The following ADAMTSL1 variants were observed in gnomAD, a reference collection of about 807,000 sequenced individuals.
ADAMTSL1 encodes ADAMTS-like protein 1.
A neutral mutation model predicts 201.8 loss-of-function variants in ADAMTSL1; 126 were observed. That is an observed-to-expected ratio of 0.62 (90% CI 0.54 to 0.72). The LOEUF is 0.72. ADAMTSL1 is among the 30% of genes least tolerant of loss of function. ADAMTSL1 has a pLI of 0.00. For synonymous variants in ADAMTSL1, 1,121 were observed against 903.4 expected (o/e 1.24, Z -4.32); for missense variants, 2,679 against 2,277.8 (o/e 1.18, Z -3.59).
intron 12 of ADAMTSL1, among the ~76,000 whole-genome samples, chr9:18,684,275 C>T (rs1830690611): frequency 6.6e-6 from 1 of 150,744 alleles, no homozygotes; most frequent in Admixed American, 6.6e-5. Context: ...GGCAATGTGA[C>T]ATAGATCACA....
chr9:18,207,654 C>T (rs909136819), intron 2 of ADAMTSL1, among the ~76,000 whole-genome samples: 7 of 152,242 alleles, frequency 4.6e-5, no homozygotes, highest in South Asian at 4.1e-4. Flanking sequence ...TCATTTTAGG[C>T]GCCCTTGTAA....
At chr9:18,904,893 GGTTCTT>G (rs1830217355) in intron 26 of ADAMTSL1, among the ~76,000 whole-genome samples, 1 of 151,862 alleles carries the variant, frequency 6.6e-6, no homozygotes, top group East Asian at 1.9e-4. Context: ...CTCTTTCAGT[GGTTCTT>G]AACCTTTGAG....
At chr9:18,810,262 G>T (rs923729033) in intron 20 of ADAMTSL1, among the ~76,000 whole-genome samples, 24 of 152,298 alleles carry the variant, frequency 1.6e-4, no homozygotes, top group Admixed American at 1.2e-3. Flanking sequence ...AGTCAAAATA[G>T]AGCCTATGCA....
At position 18,816,720 on chromosome 9, in the gene ADAMTSL1, C is replaced by CTTTTTTT. The variant is rs751791974; in HGVS notation, c.3806-367_3806-361dup. 2.4e-3 allele frequency among the ~76,000 whole-genome samples: 95 copies of CTTTTTTT among 39,756 alleles called. 2 individuals carry two copies. The highest frequency in any genetic ancestry group is 3.5e-3 in the Admixed American group (10 of 2,892). 26.1% of individuals were successfully genotyped at this position (39,756 alleles called of 152,430 possible). ...GTCTTCAAACTCTTCAACCCTTGGT[C>CTTTTTTT]TTTTTTTTTTTTTTTTTTTTTTTTT... On this transcript the variant is annotated intron_variant, in intron 20 of 28. Coordinates refer to ENST00000380548, the MANE Select transcript of ADAMTSL1 (RefSeq NM_001040272.6).
chr9:18,286,031 C>G (rs1673472503), intron 2 of ADAMTSL1, among the ~76,000 whole-genome samples: 1 of 150,948 alleles, frequency 6.6e-6, no homozygotes, highest in South Asian at 2.1e-4. Context: ...CAACTGGTTA[C>G]TTTCTCTCTC....
chr9:18,689,754 C>A (rs947062380), intron 13 of ADAMTSL1, among the ~76,000 whole-genome samples: 3 of 152,160 alleles, frequency 2.0e-5, no homozygotes, highest in Non-Finnish European at 4.4e-5. Flanking sequence ...GCAATTTTAT[C>A]CAGATATTCC....
chr9:18,270,846 A>G (rs1192688078), intron 2 of ADAMTSL1, among the ~76,000 whole-genome samples: 1 of 152,168 alleles, frequency 6.6e-6, no homozygotes. Flanking sequence ...TGGAAGTGAT[A>G]TATGTCATTC....
At chr9:18,011,668 T>TG (rs1181577713) in intron 1 of ADAMTSL1, among the ~76,000 whole-genome samples, 29 of 152,160 alleles carry the variant, frequency 1.9e-4, no homozygotes, top group African/African-American at 6.7e-4. Context: ...ATCTAAAACT[T>TG]AATATTTTAG....
At chr9:18,258,507 C>A (rs1373846055) in intron 2 of ADAMTSL1, among the ~76,000 whole-genome samples, 1 of 152,162 alleles carries the variant, frequency 6.6e-6, no homozygotes, top group African/African-American at 2.4e-5. Flanking sequence ...CTCTCTTCTT[C>A]CCTTAATCTG....
At chr9:18,153,950 G>A (rs1367182782) in intron 1 of ADAMTSL1, among the ~76,000 whole-genome samples, 1 of 151,988 alleles carries the variant, frequency 6.6e-6, no homozygotes, top group African/African-American at 2.4e-5. Context: ...CAAAAGTAGT[G>A]AGGCATACAG....
chr9:18,473,004 A>G (rs1821277535), upstream of ADAMTSL1, among the ~76,000 whole-genome samples: 1 of 152,220 alleles, frequency 6.6e-6, no homozygotes, highest in Admixed American at 6.5e-5. Flanking sequence ...CAGCTTCAGA[A>G]GCTTCCTGAC....
chr9:18,874,276 C>T (rs541988979), intron 23 of ADAMTSL1, among the ~76,000 whole-genome samples: 98 of 152,150 alleles, frequency 6.4e-4, no homozygotes, highest in African/African-American at 1.9e-3. Context: ...GATTTGGATG[C>T]GCTTTCTTTC....
Position 18,714,602 on chromosome 9 carries a change from A to T in ADAMTSL1, c.1877-6934A>T, listed in dbSNP as rs552248721. On this transcript the variant is annotated intron_variant, in intron 14 of 28. Transcript: ENST00000380548. ...AACAGGATCTGAAATTGTGGCAATA[A>T]TCAATAGCTTACCAACCAAAAAGAG... Among the ~76,000 whole-genome samples the T allele has an allele frequency of 2.3e-3, 325 of 143,834 alleles. 4 individuals carry two copies. The highest frequency in any genetic ancestry group is 4.1e-3 in the Non-Finnish European group (263 of 63,566). 94.4% of individuals were successfully genotyped at this position (143,834 alleles called of 152,430 possible).
intron 25 of ADAMTSL1, among the ~76,000 whole-genome samples, chr9:18,891,616 A>G (rs1038004768): frequency 7.9e-5 from 12 of 152,248 alleles, no homozygotes; most frequent in African/African-American, 2.7e-4. Context: ...TCTACCATGT[A>G]TGCAGCCCTC....
intron 1 of ADAMTSL1, among the ~76,000 whole-genome samples, chr9:17,969,965 T>A (rs1474407986): frequency 6.6e-6 from 1 of 152,090 alleles, no homozygotes; most frequent in Non-Finnish European, 1.5e-5. Context: ...AAATAAAAGT[T>A]GAGGATAATA....
At chr9:18,155,697 C>A (rs936023775) in intron 1 of ADAMTSL1, among the ~76,000 whole-genome samples, 8 of 151,952 alleles carry the variant, frequency 5.3e-5, no homozygotes, top group African/African-American at 1.9e-4. Flanking sequence ...GATGTCAGTG[C>A]AGAGAGAGAA....
At chr9:18,525,592 T>A (rs1176239591) in intron 2 of ADAMTSL1, among the ~76,000 whole-genome samples, 1 of 152,242 alleles carries the variant, frequency 6.6e-6, no homozygotes, top group Non-Finnish European at 1.5e-5. Flanking sequence ...TGCTGCAAAT[T>A]TTTCCTGTAC....
At chr9:18,391,094 T>G (rs1453998836) in intron 2 of ADAMTSL1, among the ~76,000 whole-genome samples, 1 of 152,166 alleles carries the variant, frequency 6.6e-6, no homozygotes, top group African/African-American at 2.4e-5. Flanking sequence ...TTCACTCCAT[T>G]GCTATTTAAT....
chr9:18,636,378 A>T (rs1394968560), intron 6 of ADAMTSL1, among the ~76,000 whole-genome samples: 2 of 151,412 alleles, frequency 1.3e-5, no homozygotes, highest in Admixed American at 1.3e-4. Flanking sequence ...CTTCTAACCC[A>T]CTTCTCTTTT....
Sources: gnomAD v4.1 joint callset for allele counts (sites outside exome capture counted in the v4.1 genomes callset) on GRCh38, gnomAD v4.1.1 for gene constraint, MANE v1.5 for transcripts, NCBI Gene and HGNC (gene_info 2026-07-23, HGNC 2026-07-21) for gene names.